ADGRG6: variants seen among roughly 807,000 people sequenced by gnomAD.
ADGRG6 encodes the protein G-protein coupled receptor 126.
A neutral mutation model predicts 142.4 loss-of-function variants in ADGRG6; 84 were observed. The observed-to-expected ratio is 0.59, with a 90% CI of 0.49 to 0.71. The LOEUF (loss-of-function observed/expected upper bound fraction) is 0.71, where lower values mean the gene tolerates loss of function less well. ADGRG6 is among the 30% of genes least tolerant of loss of function. The pLI, the probability that ADGRG6 is intolerant of heterozygous loss-of-function variation, is 0.00. For synonymous variants in ADGRG6, 521 were observed against 520.5 expected, an observed-to-expected ratio of 1.00 and a Z score of -0.01; for missense variants, 1,367 against 1,466.6, an observed-to-expected ratio of 0.93 and a Z score of 1.11.
intron 2 of ADGRG6, among the ~76,000 whole-genome samples, chr6:142,324,239 A>C (rs1235613937): frequency 6.6e-6 from 1 of 152,052 alleles, no homozygotes; most frequent in Admixed American, 6.6e-5. Flanking sequence ...TTTCCTATAA[A>C]CATTTCTTTA....
chr6:142,391,951 T>G (rs1414248653), intron 7 of ADGRG6, among the ~76,000 whole-genome samples: 1 of 151,930 alleles, frequency 6.6e-6, no homozygotes, highest in Non-Finnish European at 1.5e-5. Flanking sequence ...TACATTTATA[T>G]TTACTTCATG....
At chr6:142,404,451 G>A (rs1261338207) in intron 14 of ADGRG6, among the ~76,000 whole-genome samples, 2 of 151,956 alleles carry the variant, frequency 1.3e-5, no homozygotes, top group Non-Finnish European at 1.5e-5. Context: ...GACCAGGCTG[G>A]CCAACATGGT....
chr6:142,343,302 T>A (rs11155241), intron 2 of ADGRG6, among the ~76,000 whole-genome samples: 30,129 of 151,482 alleles, frequency 0.2, 3,037 homozygotes, highest in South Asian at 0.24. Context: ...ATCTAAAAAA[T>A]TCAATAACCA....
At chr6:142,418,581 A>G (rs1202707496) in intron 21 of ADGRG6, among the ~76,000 whole-genome samples, 1 of 152,170 alleles carries the variant, frequency 6.6e-6, no homozygotes, top group Non-Finnish European at 1.5e-5. Context: ...AAATAAGAGA[A>G]TTTTAGAAGT....
chr6:142,319,622 A>G (rs928972463), intron 2 of ADGRG6, among the ~76,000 whole-genome samples: 1 of 152,006 alleles, frequency 6.6e-6, no homozygotes, highest in Non-Finnish European at 1.5e-5. Context: ...TTCATTTCCC[A>G]TTCCTGTTTA....
At chr6:142,405,002 C>T (rs1775725013) in intron 14 of ADGRG6, among the ~76,000 whole-genome samples, 1 of 152,156 alleles carries the variant, frequency 6.6e-6, no homozygotes, top group African/African-American at 2.4e-5. Context: ...TGTCCTTGAC[C>T]TGGGAGAGTA....
At chr6:142,357,775 A>G (rs1201274678) in intron 2 of ADGRG6, among the ~76,000 whole-genome samples, 1 of 152,204 alleles carries the variant, frequency 6.6e-6, no homozygotes, top group African/African-American at 2.4e-5. Context: ...GCACCACATA[A>G]CATGGAATAA....
chr6:142,405,869 G>A, intron 15 of ADGRG6, 41 bp downstream of exon 15: 1 of 1,453,996 alleles, frequency 6.9e-7, no homozygotes, highest in Admixed American at 2.5e-5. Flanking sequence ...AACTGCAAAT[G>A]AAGTTTCTTT....
intron 13 of ADGRG6, among the ~76,000 whole-genome samples, chr6:142,403,208 A>T (rs748729256): frequency 6.6e-6 from 1 of 152,110 alleles, no homozygotes; most frequent in Non-Finnish European, 1.5e-5. Flanking sequence ...CAGCCACATG[A>T]TTGTTGGACT....
At chr6:142,325,689 A>G (rs1461295285) in intron 2 of ADGRG6, among the ~76,000 whole-genome samples, 1 of 152,126 alleles carries the variant, frequency 6.6e-6, no homozygotes, top group African/African-American at 2.4e-5. Flanking sequence ...GAAACATGAT[A>G]TAGTTTCAAA....
chr6:142,341,459 T>A (rs35229747), intron 2 of ADGRG6, among the ~76,000 whole-genome samples: 1 of 118,266 alleles, frequency 8.5e-6, no homozygotes, highest in Admixed American at 1.1e-4. Context: ...GTATATATAG[T>A]ATATATAATA....
chr6:142,411,970 T>A (rs1008413646), intron 18 of ADGRG6, among the ~76,000 whole-genome samples: 1 of 152,148 alleles, frequency 6.6e-6, no homozygotes, highest in Non-Finnish European at 1.5e-5. Flanking sequence ...GCAAGAGAGA[T>A]AATGGTTATG....
chr6:142,333,518 A>G (rs143206931), intron 2 of ADGRG6, among the ~76,000 whole-genome samples: 143 of 152,272 alleles, frequency 9.4e-4, no homozygotes, highest in Non-Finnish European at 1.5e-3. Context: ...ATCACTTAAA[A>G]AAGTTTTTTT....
chr6:142,375,144 A>G (rs1052655792), intron 4 of ADGRG6, among the ~76,000 whole-genome samples: 41 of 152,146 alleles, frequency 2.7e-4, no homozygotes, highest in African/African-American at 9.7e-4. Context: ...TAGGTTCCAC[A>G]TTTAAGTAAG....
chr6:142,334,406 G>T (rs1166611478), intron 2 of ADGRG6, among the ~76,000 whole-genome samples: 2 of 152,154 alleles, frequency 1.3e-5, no homozygotes, highest in Non-Finnish European at 1.5e-5. Context: ...ACCATGAAGT[G>T]AATTTGCAAA....
At chr6:142,404,220 A>G in intron 14 of ADGRG6, 2 of 458,990 alleles carry the variant, frequency 4.4e-6, no homozygotes, top group Middle Eastern at 6.0e-4. Context: ...GGAGCTAAGC[A>G]TGAGTAGGGG....
chr6:142,323,497 AAAC>A (rs1263079838), intron 2 of ADGRG6, among the ~76,000 whole-genome samples: 1 of 152,130 alleles, frequency 6.6e-6, no homozygotes, highest in African/African-American at 2.4e-5. Flanking sequence ...AAGTGCCACA[AAAC>A]AACATTTAGG....
At chr6:142,391,929 A>G (rs1461260058) in intron 7 of ADGRG6, among the ~76,000 whole-genome samples, 2 of 151,894 alleles carry the variant, frequency 1.3e-5, no homozygotes, top group East Asian at 3.8e-4. Context: ...TGTGCTAGAT[A>G]AGGTATAAGC....
Position 142,403,840 on chromosome 6 carries a change from A to T in ADGRG6, c.1994A>T (p.Asp665Val), listed in dbSNP as rs1471284879. 6.8e-6 allele frequency: 11 copies of T among 1,605,972 alleles called. No homozygotes were observed. The highest frequency in any genetic ancestry group is 9.3e-6 in the Non-Finnish European group (11 of 1,176,858). The change falls in exon 14 of 25, where the codon GAC becomes GTC. Residue 665 changes from aspartate to valine, a missense_variant. This residue lies in a region of ADGRG6 where 286 missense variants were observed against 371.4 expected (regional missense o/e 0.77). Coordinates refer to ENST00000367609, the MANE Select transcript of ADGRG6 (RefSeq NM_198569.3). Reference protein sequence around the residue: ...KTIDELAFKIDLNSTSHVNIT... With the variant: ...KTIDELAFKIVLNSTSHVNIT... ...ATTGATGAATTGGCCTTCAAGATAGACCTAAATAGCACATCACATGTGAAT... is the reference window on the plus strand; with the variant it reads ...ATTGATGAATTGGCCTTCAAGATAGTCCTAAATAGCACATCACATGTGAAT...
Sources: gnomAD v4.1 joint callset for allele counts (sites outside exome capture counted in the v4.1 genomes callset) on GRCh38, gnomAD v4.1.1 for gene constraint, gnomAD v4.1.1 regional missense constraint, MANE v1.5 for transcripts, NCBI Gene and HGNC (gene_info 2026-07-23, HGNC 2026-07-21) for gene names.